CHSY1: variants seen among roughly 807,000 people sequenced by gnomAD.
CHSY1 encodes N-acetylgalactosaminyl-proteoglycan 3-beta-glucuronosyltransferase 1.
In CHSY1, 13 loss-of-function variants were observed where a neutral mutation model predicts 59.8. The ratio of observed to expected loss-of-function variants is 0.22; its 90% confidence interval spans 0.14 to 0.35. The LOEUF (loss-of-function observed/expected upper bound fraction) is 0.35. Ranked by LOEUF, CHSY1 falls within the 10% of genes least tolerant of loss-of-function variation. The pLI is 1.00. For synonymous variants in CHSY1, 459 were observed against 401.2 expected, an observed-to-expected ratio of 1.14 and a Z score of -1.72; for missense variants, 947 against 1,030.6, an observed-to-expected ratio of 0.92 and a Z score of 1.11.
intron 2 of CHSY1, among the ~76,000 whole-genome samples, chr15:101,205,504 TACTTGTGAAAAG>T (rs1363762707): frequency 6.6e-6 from 1 of 152,220 alleles, no homozygotes; most frequent in Non-Finnish European, 1.5e-5. Flanking sequence ...TGTTTATAGC[TACTTGTGAAAAG>T]ACACATACCC....
intron 2 of CHSY1, among the ~76,000 whole-genome samples, chr15:101,181,012 T>C (rs2038270819): frequency 6.6e-6 from 1 of 152,208 alleles, no homozygotes; most frequent in Non-Finnish European, 1.5e-5. Context: ...GAAGCAAATA[T>C]AGTCATTTTA....
At chr15:101,247,585 G>A (rs559996779) in intron 1 of CHSY1, among the ~76,000 whole-genome samples, 5 of 152,144 alleles carry the variant, frequency 3.3e-5, no homozygotes, top group Admixed American at 1.3e-4. Flanking sequence ...CCTAAGTAAC[G>A]AATCAGGATC....
intron 2 of CHSY1, among the ~76,000 whole-genome samples, chr15:101,210,277 T>C (rs935967077): frequency 1.3e-5 from 2 of 152,152 alleles, no homozygotes; most frequent in Admixed American, 6.5e-5. Flanking sequence ...AAAGCAAAAG[T>C]GCTTAGCAGA....
Position 101,235,331 on chromosome 15 carries a change from G to C in CHSY1, c.567C>G (p.Asn189Lys). ...GCCCAAGAAAGAGGGGCTCGCTGCT[G>C]TTCAAACTCCTCAGGAAGTTCTCCA... ...DRLENFLRSL[N>K]SSEPLFLGQT... The change falls in exon 2 of 3, where the codon AAC (asparagine) becomes AAG (lysine). Residue 189 changes from asparagine (N) to lysine (K), a missense_variant. Asn to Lys is a moderately conservative substitution (Grantham distance 94). Transcript: ENST00000254190. The C allele has an allele frequency of 1.2e-6, 2 of 1,614,182 alleles. No individual in the cohort carries two copies. The highest frequency in any genetic ancestry group is 1.7e-6 in the Non-Finnish European group (2 of 1,180,042).
intron 2 of CHSY1, among the ~76,000 whole-genome samples, chr15:101,196,573 C>T (rs908635855): frequency 1.3e-5 from 2 of 152,128 alleles, no homozygotes; most frequent in Non-Finnish European, 1.5e-5. Context: ...CACTGTAATG[C>T]CACCAAGCGG....
At chr15:101,184,732 G>A (rs1046252376) in intron 2 of CHSY1, among the ~76,000 whole-genome samples, 2 of 152,132 alleles carry the variant, frequency 1.3e-5, no homozygotes, top group Admixed American at 6.5e-5. Flanking sequence ...GCTTGGGGGA[G>A]GGAGCACCTG....
intron 1 of CHSY1, among the ~76,000 whole-genome samples, chr15:101,250,310 A>G (rs2141285258): frequency 6.6e-6 from 1 of 152,230 alleles, no homozygotes; most frequent in East Asian, 1.9e-4. Context: ...CGAGTCTACA[A>G]CCCTCTCCAA....
chr15:101,243,236 A>T (rs1341187193), intron 1 of CHSY1, among the ~76,000 whole-genome samples: 1 of 152,220 alleles, frequency 6.6e-6, no homozygotes, highest in African/African-American at 2.4e-5. Context: ...CACAATTAAA[A>T]TTTGGAGTGT....
chr15:101,200,505 C>T (rs1470487196), intron 2 of CHSY1, among the ~76,000 whole-genome samples: 1 of 152,110 alleles, frequency 6.6e-6, no homozygotes, highest in African/African-American at 2.4e-5. Context: ...GGCAAACTAA[C>T]AGTACAAACA....
Position 101,176,534 on chromosome 15 carries a change from A to G in CHSY1, c.*854T>C. The G allele has an allele frequency of 2.5e-6, 1 of 397,292 alleles. No individual in the cohort carries two copies. The highest frequency in any genetic ancestry group is 4.4e-6 in the Non-Finnish European group (1 of 225,726). The allele number at this position is 397,292 out of a possible 1,614,324, so 24.6% of individuals were successfully genotyped here. A position where few individuals can be genotyped will look rare whatever the true frequency, so the allele number is the denominator to read the frequency against. On this transcript the variant is annotated 3_prime_UTR_variant, in exon 3 of 3. Transcript: ENST00000254190. ...GTCTATTTAGGCCGAATGAACTACC[A>G]CGAGAACAGCCACATACCTCACTGT...
chr15:101,224,078 G>A lies in CHSY1; in HGVS notation c.816+11004C>T, dbSNP rs1466342833. ...GCACAGTAACATGCTGTACAGGTTT[G>A]TAGCCTAGGAGCCGCAGGCTACACC... On this transcript the variant is annotated intron_variant, in intron 2 of 2. Coordinates refer to ENST00000254190, the MANE Select transcript of CHSY1 (RefSeq NM_014918.5). Among the ~76,000 whole-genome samples, 3 of 152,242 alleles carry A rather than the reference G, an allele frequency of 2.0e-5. No individual in the cohort carries two copies. In the East Asian group the frequency reaches 5.8e-4, roughly 29 times the overall value.
At position 101,190,216 on chromosome 15, in the gene CHSY1, G is replaced by A. The variant is rs1039963489; in HGVS notation, c.817-11236C>T. On this transcript the variant is annotated intron_variant, in intron 2 of 2. Coordinates refer to ENST00000254190, the MANE Select transcript of CHSY1 (RefSeq NM_014918.5). ...CAAAAAAGAGGGTAAGAAAAACACT[G>A]GAGAGGGGACTGAGGGAAGAAGAGG... Among the ~76,000 whole-genome samples the A allele has an allele frequency of 5.9e-5, 9 of 151,896 alleles. No individual in the cohort carries two copies. The East Asian group carries it at 7.7e-4, about 13-fold the overall frequency.
intron 2 of CHSY1, among the ~76,000 whole-genome samples, chr15:101,191,148 C>T (rs1360881393): frequency 2.6e-5 from 4 of 152,138 alleles, no homozygotes; most frequent in Non-Finnish European, 4.4e-5. Flanking sequence ...TTCATAATTG[C>T]CAAAACTCAG....
chr15:101,185,067 C>A (rs2038337447), intron 2 of CHSY1, among the ~76,000 whole-genome samples: 1 of 152,208 alleles, frequency 6.6e-6, no homozygotes, highest in Admixed American at 6.5e-5. Context: ...CCCAAATGGG[C>A]TTCGGGTGGT....
At chr15:101,235,003 G>C in intron 2 of CHSY1, 79 bp downstream of exon 2, 3 of 1,558,136 alleles carry the variant, frequency 1.9e-6, no homozygotes, top group Non-Finnish European at 2.6e-6. Flanking sequence ...ATCATCTCTA[G>C]TTTCCTATGA....
chr15:101,230,378 C>A (rs1323867848), intron 2 of CHSY1, among the ~76,000 whole-genome samples: 1 of 152,092 alleles, frequency 6.6e-6, no homozygotes, highest in South Asian at 2.1e-4. Context: ...GAACACAAAT[C>A]ATCTCTGTGA....
intron 2 of CHSY1, among the ~76,000 whole-genome samples, chr15:101,179,556 G>C (rs1480261061): frequency 6.6e-6 from 1 of 152,214 alleles, no homozygotes; most frequent in East Asian, 1.9e-4. Context: ...GCTCTGCTGA[G>C]GTCTCTGGAA....
At chr15:101,209,397 T>G (rs2038660522) in intron 2 of CHSY1, among the ~76,000 whole-genome samples, 1 of 152,200 alleles carries the variant, frequency 6.6e-6, no homozygotes. Flanking sequence ...CCAGTGTTCG[T>G]AAAATGCCAT....
chr15:101,239,077 C>G (rs1479662328), intron 1 of CHSY1, among the ~76,000 whole-genome samples: 1 of 152,150 alleles, frequency 6.6e-6, no homozygotes, highest in African/African-American at 2.4e-5. Context: ...CCATTCAAGT[C>G]GAGGAGCCCC....
Sources: gnomAD v4.1 joint callset for allele counts (sites outside exome capture counted in the v4.1 genomes callset) on GRCh38, gnomAD v4.1.1 for gene constraint, MANE v1.5 for transcripts, NCBI Gene and HGNC (gene_info 2026-07-23, HGNC 2026-07-21) for gene names.